Variants in ZZEF1 observed in about 807,000 individuals in gnomAD.
ZZEF1 encodes the protein zinc finger ZZ-type and EF-hand domain containing 1, also known as zinc finger ZZ-type and EF-hand domain-containing protein 1.
Under a neutral mutation model 342.8 loss-of-function variants are expected in ZZEF1, and 157 were observed. The observed-to-expected ratio is 0.46, with a 90% CI of 0.40 to 0.52. The LOEUF is 0.52. ZZEF1 is among the 20% of genes least tolerant of loss of function. ZZEF1 has a pLI of 0.00. For synonymous variants in ZZEF1, 1,505 were observed against 1,429.1 expected (o/e 1.05, Z -1.20); for missense variants, 3,480 against 3,725.6 (o/e 0.93, Z 1.72).
At chr17:4,075,466 T>C in intron 21 of ZZEF1, 37 bp from the exon 22 acceptor site, 1 of 1,605,634 alleles carries the variant, frequency 6.2e-7, no homozygotes, top group Non-Finnish European at 8.5e-7. Flanking sequence ...AGAAAGGTTC[T>C]ATCACTAGAC....
chr17:4,049,329 T>C (rs550950219), intron 37 of ZZEF1, among the ~76,000 whole-genome samples: 1 of 152,096 alleles, frequency 6.6e-6, no homozygotes, highest in African/African-American at 2.4e-5. Flanking sequence ...CTGGGCAACA[T>C]GGCGAAACCC....
intron 42 of ZZEF1, among the ~76,000 whole-genome samples, chr17:4,027,324 C>A (rs192219753): frequency 9.1e-6 from 1 of 110,344 alleles, no homozygotes; most frequent in Non-Finnish European, 1.6e-5. Context: ...AGAGAAGTCT[C>A]GCTCTTGTTC....
intron 26 of ZZEF1, among the ~76,000 whole-genome samples, chr17:4,069,643 CA>C (rs1195048133): frequency 6.6e-6 from 1 of 152,132 alleles, no homozygotes; most frequent in Non-Finnish European, 1.5e-5. Flanking sequence ...CCAGCCTGGC[CA>C]ACAGGGCGAA....
chr17:4,103,557 T>TAAATAA (rs899884720), intron 8 of ZZEF1, among the ~76,000 whole-genome samples: 1 of 150,996 alleles, frequency 6.6e-6, no homozygotes, highest in Non-Finnish European at 1.5e-5. Flanking sequence ...AAAAAATAAA[T>TAAATAA]AAATAAAAAT....
In ZZEF1 at chr17:4,078,282, A is replaced by G. The variant is rs1053761929; in HGVS notation, c.2830-240T>C. Among the ~76,000 whole-genome samples, 6 of 152,192 alleles carry G rather than the reference A, an allele frequency of 3.9e-5. No individual in the cohort carries two copies. In the East Asian group the frequency reaches 9.6e-4, roughly 24 times the overall value. Reference sequence around the variant, plus strand: ...TTTATTCCACATGACATCTCCTTCTACCACCTCAGGAACCTTACCCCCCTG... The same window carrying G: ...TTTATTCCACATGACATCTCCTTCTGCCACCTCAGGAACCTTACCCCCCTG... On this transcript the variant is annotated intron_variant, in intron 18 of 54. Coordinates refer to ENST00000381638, the MANE Select transcript of ZZEF1 (RefSeq NM_015113.4).
chr17:4,086,734 G>C (rs1474932096), intron 14 of ZZEF1, 79 bp from the exon 15 acceptor site: 3 of 1,472,216 alleles, frequency 2.0e-6, no homozygotes, highest in East Asian at 4.6e-5. Context: ...TGTCTACAAA[G>C]GACTTTCCTC....
At position 4,022,741 on chromosome 17, in the gene ZZEF1, A is replaced by G; in HGVS notation, c.7180T>C (p.Phe2394Leu). The G allele has an allele frequency of 6.2e-7, 1 of 1,613,936 alleles. No homozygotes were observed. The highest frequency in any genetic ancestry group is 8.5e-7 in the Non-Finnish European group (1 of 1,179,976). Residue 2394 changes from phenylalanine to leucine, a missense_variant, in exon 44 of 55, where the codon TTT (phenylalanine) becomes CTT (leucine). Physicochemically the swap from Phe to Leu is conservative, Grantham distance 22. Coordinates refer to ENST00000381638, the MANE Select transcript of ZZEF1 (RefSeq NM_015113.4). ...LVKKCSKGTGFSKTWLLRDLE... is the reference protein window; with the variant it reads ...LVKKCSKGTGLSKTWLLRDLE... ...TCCCGGAGGAGCCACGTTTTACTAA[A>G]GCCAGTCCCTTTGCTGCACTTTTTC...
chr17:4,027,628 C>T (rs1597781494), intron 42 of ZZEF1, among the ~76,000 whole-genome samples: 1 of 142,914 alleles, frequency 7.0e-6, no homozygotes, highest in African/African-American at 2.6e-5. Flanking sequence ...GAGACAGGCT[C>T]CTGCTCTGTC....
In ZZEF1 at chr17:4,095,750, T is replaced by C. The variant is rs112371257; in HGVS notation, c.1913+81A>G. On this transcript the variant is annotated intron_variant, in intron 11 of 54. Transcript: ENST00000381638. ...AAGACAAGCAAGCACAGTTCACCAATGAGCATGAATACATTCTTATTAACT... is the reference window on the plus strand; with the variant it reads ...AAGACAAGCAAGCACAGTTCACCAACGAGCATGAATACATTCTTATTAACT... 3.7e-4 allele frequency: 529 copies of C among 1,444,936 alleles called. 5 individuals carry two copies. In the African/African-American group the frequency reaches 6.3e-3, roughly 17 times the overall value. 89.5% of individuals were successfully genotyped at this position (1,444,936 alleles called of 1,614,324 possible).
chr17:4,016,319 T>C lies in ZZEF1; in HGVS notation c.8145+4A>G. 6.2e-7 allele frequency: 1 copy of C among 1,612,676 alleles called. No individual in the cohort carries two copies. The highest frequency in any genetic ancestry group is 8.5e-7 in the Non-Finnish European group (1 of 1,179,492). On this transcript the variant is annotated splice_donor_region_variant and intron_variant, in intron 49 of 54. Transcript: ENST00000381638. This position sits in a 1 kb window ranked among gnomAD's most constrained non-coding sequence, Gnocchi z 4.4. The stretch of plus-strand genomic sequence containing the variant: ...CTTATGGGGCCTGCCGGCCCCAGGC[T>C]TACCTCGAAGTTGGTGTTGTTGTTA...
rs762492095 is a variant in ZZEF1 at position 4,095,792 on chromosome 17, T to C, written c.1913+39A>G. 12 of 1,571,482 alleles carry C rather than the reference T, an allele frequency of 7.6e-6. No homozygotes were observed. The Admixed American group carries it at 1.3e-4, about 17-fold the overall frequency. On this transcript the variant is annotated intron_variant, in intron 11 of 54. Coordinates refer to ENST00000381638, the MANE Select transcript of ZZEF1 (RefSeq NM_015113.4). ...TTATTAACTACAAAGATTTTTGTTC[T>C]GTAGATCTTTGTTCTACAAAGATTT...
intron 2 of ZZEF1, among the ~76,000 whole-genome samples, chr17:4,120,722 C>T (rs572134244): frequency 2.0e-5 from 3 of 152,290 alleles, no homozygotes; most frequent in African/African-American, 4.8e-5. Flanking sequence ...AGGTGGAATG[C>T]CCGAGCTCAG....
chr17:4,087,029 C>G (rs899666126), intron 14 of ZZEF1, among the ~76,000 whole-genome samples: 1 of 152,042 alleles, frequency 6.6e-6, no homozygotes, highest in Non-Finnish European at 1.5e-5. Flanking sequence ...TTACAGGTGC[C>G]CACCACCACA....
chr17:4,070,203 C>T (rs945643740), intron 26 of ZZEF1, among the ~76,000 whole-genome samples: 4 of 152,250 alleles, frequency 2.6e-5, no homozygotes, highest in African/African-American at 9.6e-5. Context: ...TTAATACCTA[C>T]AGCTTCCTCC....
intron 41 of ZZEF1, among the ~76,000 whole-genome samples, 199 bp downstream of exon 41, chr17:4,032,629 T>C (rs575870559): frequency 6.6e-6 from 1 of 152,242 alleles, no homozygotes; most frequent in Non-Finnish European, 1.5e-5. Context: ...ATCAAATGTT[T>C]AACCGTTAAA....
chr17:4,109,042 T>C (rs376314875), intron 6 of ZZEF1, among the ~76,000 whole-genome samples: 11 of 152,254 alleles, frequency 7.2e-5, no homozygotes, highest in African/African-American at 2.4e-4. Context: ...TATATGTTAC[T>C]ATTTGGTCTT....
Position 4,044,277 on chromosome 17 carries a change from T to G in ZZEF1, c.6113A>C (p.Gln2038Pro), listed in dbSNP as rs745332242. The change falls in exon 38 of 55, where the codon CAG becomes CCG. Residue 2038 changes from glutamine to proline, a missense_variant. Gln to Pro is a moderately conservative substitution (Grantham distance 76). Transcript: ENST00000381638. The stretch of plus-strand genomic sequence containing the variant: ...TGCAGGTGAATCTGAAATTTGGGTC[T>G]GGCATGAAGGATCCTTCGATAATGA... ...GVSLSKDPSC[Q>P]TQISDSPADA... The G allele has an allele frequency of 6.2e-7, 1 of 1,614,232 alleles. No homozygotes were observed. The highest frequency in any genetic ancestry group is 2.2e-5 in the East Asian group (1 of 44,888).
At chr17:4,027,784 G>T (rs546166768) in intron 42 of ZZEF1, among the ~76,000 whole-genome samples, 58 of 151,304 alleles carry the variant, frequency 3.8e-4, no homozygotes, top group Admixed American at 9.9e-4. Context: ...ATTATTTTTA[G>T]TAGAGATGGG....
In ZZEF1 at chr17:4,058,036, T is replaced by C; in HGVS notation, c.5123A>G (p.Lys1708Arg). Residue 1708 changes from lysine to arginine, a missense_variant, in exon 32 of 55, where the codon AAA becomes AGA. Transcript: ENST00000381638. ...VDIQLPDLLM[K>R]MSQENISVHD... ...GACACTTATATTCTCCTGTGACATTTTCATGAGGAGATCTGGTAACTGAAT... is the reference window on the plus strand; with the variant it reads ...GACACTTATATTCTCCTGTGACATTCTCATGAGGAGATCTGGTAACTGAAT... 2 of 1,614,196 alleles carry C rather than the reference T, an allele frequency of 1.2e-6. No homozygotes were observed. The highest frequency in any genetic ancestry group is 2.2e-5 in the East Asian group (1 of 44,892).
Sources: gnomAD v4.1 joint callset for allele counts (sites outside exome capture counted in the v4.1 genomes callset) on GRCh38, gnomAD v4.1.1 for gene constraint, Gnocchi (gnomAD v3.1) non-coding constraint, MANE v1.5 for transcripts, NCBI Gene and HGNC (gene_info 2026-07-23, HGNC 2026-07-21) for gene names.